Variants in PTPRM observed in about 807,000 individuals in gnomAD.
PTPRM encodes receptor-type tyrosine-protein phosphatase mu.
PTPRM carries 47 observed loss-of-function variants against 186.7 expected under a neutral mutation model. The ratio of observed to expected loss-of-function variants is 0.25; its 90% CI spans 0.20 to 0.32. PTPRM has a LOEUF of 0.32. PTPRM is among the 10% of genes least tolerant of loss of function. PTPRM has a pLI of 1.00. For missense variants in PTPRM, 1,494 were observed against 1,865.0 expected (o/e 0.80, Z 3.66); for synonymous variants, 668 against 674.9 (o/e 0.99, Z 0.16).
chr18:8,074,944 C>A (rs866341150), intron 8 of PTPRM, among the ~76,000 whole-genome samples: 1 of 152,210 alleles, frequency 6.6e-6, no homozygotes. Flanking sequence ...CTTTTGGTGT[C>A]ATGCCTAAGA....
At chr18:8,279,179 A>G (rs1047244657) in intron 19 of PTPRM, among the ~76,000 whole-genome samples, 1 of 152,174 alleles carries the variant, frequency 6.6e-6, no homozygotes, top group African/African-American at 2.4e-5. Flanking sequence ...GTTCTCATCC[A>G]TCAAGGATGG....
At chr18:8,366,416 G>T (rs1221647200) in intron 23 of PTPRM, among the ~76,000 whole-genome samples, 1 of 152,172 alleles carries the variant, frequency 6.6e-6, no homozygotes, top group Non-Finnish European at 1.5e-5. Context: ...CCCTCCAAGG[G>T]AGTCTCATGC....
intron 12 of PTPRM, 104 bp from the exon 13 acceptor site, chr18:8,114,687 T>G: frequency 2.2e-4 from 194 of 898,912 alleles, no homozygotes; most frequent in Middle Eastern, 3.2e-4. Context: ...CTCAGAACAG[T>G]GAGATCCTTC....
intron 14 of PTPRM, among the ~76,000 whole-genome samples, chr18:8,231,343 C>T (rs1282812692): frequency 6.6e-6 from 1 of 152,136 alleles, no homozygotes; most frequent in Non-Finnish European, 1.5e-5. Context: ...CCATCCTGCT[C>T]CTCTCCCAAT....
intron 1 of PTPRM, among the ~76,000 whole-genome samples, chr18:7,748,317 T>G (rs1020295776): frequency 6.6e-6 from 1 of 152,246 alleles, no homozygotes; most frequent in Non-Finnish European, 1.5e-5. Context: ...TAGCCCTGTG[T>G]TGAACGGTAC....
intron 3 of PTPRM, among the ~76,000 whole-genome samples, chr18:7,890,506 G>C (rs2049016704): frequency 6.6e-6 from 1 of 151,562 alleles, no homozygotes; most frequent in Non-Finnish European, 1.5e-5. Context: ...TGAGTGACAA[G>C]TAAATGTGTT....
At chr18:8,218,652 T>C (rs1358781247) in intron 14 of PTPRM, among the ~76,000 whole-genome samples, 1 of 152,210 alleles carries the variant, frequency 6.6e-6, no homozygotes, top group Non-Finnish European at 1.5e-5. Context: ...GATTTTTTGA[T>C]TCTCAATTGC....
chr18:7,834,461 A>G (rs2045920622), intron 2 of PTPRM, among the ~76,000 whole-genome samples: 1 of 63,786 alleles, frequency 1.6e-5, no homozygotes, highest in Non-Finnish European at 3.1e-5. Context: ...ATAAGTATGT[A>G]TATATAAAAT....
intron 1 of PTPRM, among the ~76,000 whole-genome samples, chr18:7,616,126 A>C (rs1258634976): frequency 6.6e-6 from 1 of 152,162 alleles, no homozygotes; most frequent in African/African-American, 2.4e-5. Flanking sequence ...CCCTGATTTA[A>C]GGGACATCAG....
At chr18:8,216,715 CAT>C (rs1334598935) in intron 14 of PTPRM, among the ~76,000 whole-genome samples, 2 of 152,146 alleles carry the variant, frequency 1.3e-5, no homozygotes, top group African/African-American at 2.4e-5. Flanking sequence ...ATATTATTTC[CAT>C]GGGGCATGCC....
chr18:8,240,501 GGAAGGAAGGAAGGA>G (rs2094406348), intron 14 of PTPRM, among the ~76,000 whole-genome samples: 9 of 44,782 alleles, frequency 2.0e-4, no homozygotes, highest in African/African-American at 9.2e-4. Flanking sequence ...GAGAGAGAGA[GGAAGGAAGGAAGGA>G]AGGAAGGAAG....
At chr18:7,739,100 G>A (rs747527396) in intron 1 of PTPRM, among the ~76,000 whole-genome samples, 4 of 152,062 alleles carry the variant, frequency 2.6e-5, no homozygotes, top group Non-Finnish European at 4.4e-5. Context: ...GAAGTGGTTC[G>A]TTGTTGCACA....
intron 7 of PTPRM, among the ~76,000 whole-genome samples, chr18:7,978,904 C>T (rs183838037): frequency 7.4e-4 from 113 of 152,040 alleles, no homozygotes; most frequent in Admixed American, 1.8e-3. Flanking sequence ...CTCAGAATTG[C>T]GTGTAGCGAC....
intron 23 of PTPRM, among the ~76,000 whole-genome samples, chr18:8,356,872 A>G (rs563191015): frequency 6.6e-6 from 1 of 152,290 alleles, no homozygotes; most frequent in East Asian, 1.9e-4. Context: ...CCCACACCTT[A>G]CTTTTTGCAA....
At chr18:8,020,985 G>T (rs1318965192) in intron 7 of PTPRM, among the ~76,000 whole-genome samples, 1 of 152,084 alleles carries the variant, frequency 6.6e-6, no homozygotes, top group Non-Finnish European at 1.5e-5. Flanking sequence ...TTTGTTTCCA[G>T]TGCAGTATTG....
At chr18:7,978,570 A>G (rs16952732) in intron 7 of PTPRM, among the ~76,000 whole-genome samples, 3,738 of 152,318 alleles carry the variant, frequency 0.025, 147 homozygotes, top group African/African-American at 0.086. Context: ...TGAGCCTGCC[A>G]TGCTAACTTA....
At position 8,335,499 on chromosome 18, in the gene PTPRM, CAT is replaced by C. The variant is rs1250698226; in HGVS notation, c.2957-7923_2957-7922del. ...AGTTTGATATCGAAAACTTTCATCA[CAT>C]GTTTATGTAAGTGTATTTGTTAATA... is the stretch of plus-strand genomic sequence containing the variant. On this transcript the variant is annotated intron_variant, in intron 22 of 32. Coordinates refer to ENST00000580170, the MANE Select transcript of PTPRM (RefSeq NM_001105244.2). Among the ~76,000 whole-genome samples the C allele has an allele frequency of 1.1e-4, 17 of 152,150 alleles. 1 individual carries two copies. The highest frequency in any genetic ancestry group is 1.3e-4 in the Non-Finnish European group (9 of 68,040).
intron 14 of PTPRM, among the ~76,000 whole-genome samples, chr18:8,196,952 T>C (rs1047343758): frequency 2.6e-5 from 4 of 152,210 alleles, no homozygotes; most frequent in African/African-American, 4.8e-5. Flanking sequence ...GGAAGAACCA[T>C]GAAGGATGCT....
chr18:8,232,600 T>C (rs1022114088), intron 14 of PTPRM, among the ~76,000 whole-genome samples: 4 of 152,304 alleles, frequency 2.6e-5, no homozygotes, highest in South Asian at 2.1e-4. Context: ...CTTGGCTCAC[T>C]GCAATGTCCG....
Sources: allele counts gnomAD v4.1 joint callset (sites outside exome capture counted in the v4.1 genomes callset), GRCh38; gene constraint gnomAD v4.1.1; transcripts MANE v1.5; gene names NCBI Gene and HGNC (gene_info 2026-07-23, HGNC 2026-07-21).